The following KAZN variants were observed in gnomAD, a reference collection of about 807,000 sequenced individuals.
KAZN encodes kazrin.
Under a neutral mutation model 87.4 loss-of-function variants are expected in KAZN, and 40 were observed. That is an observed-to-expected ratio of 0.46 (90% CI 0.36 to 0.60). The LOEUF (loss-of-function observed/expected upper bound fraction) is 0.60. Among genes scored for constraint, KAZN ranks in the 20% least tolerant of loss-of-function variants. The pLI, the probability that KAZN is intolerant of heterozygous loss-of-function variation, is 0.00. For missense variants in KAZN, 898 were observed against 1,073.9 expected (o/e 0.84, Z 2.29); for synonymous variants, 466 against 458.3 (o/e 1.02, Z -0.22).
intron 1 of KAZN, among the ~76,000 whole-genome samples, chr1:14,631,364 C>T (rs1425729165): frequency 1.3e-5 from 2 of 152,240 alleles, no homozygotes; most frequent in Admixed American, 6.5e-5. Flanking sequence ...TACATACACC[C>T]ATACGGTCTT....
intron 3 of KAZN, among the ~76,000 whole-genome samples, chr1:15,036,796 T>G (rs751135559): frequency 1.3e-5 from 2 of 152,156 alleles, no homozygotes; most frequent in Non-Finnish European, 2.9e-5. Context: ...AGTTACGGCA[T>G]GTACTTCAAG....
At chr1:14,765,793 T>C (rs1466726327) in intron 1 of KAZN, among the ~76,000 whole-genome samples, 1 of 152,152 alleles carries the variant, frequency 6.6e-6, no homozygotes, top group East Asian at 1.9e-4. Flanking sequence ...CCAGGAGAAC[T>C]GTGGTCTTGG....
intron 2 of KAZN, among the ~76,000 whole-genome samples, chr1:14,964,831 C>T (rs1664269675): frequency 1.3e-5 from 2 of 152,146 alleles, no homozygotes; most frequent in Non-Finnish European, 2.9e-5. Flanking sequence ...GGAACAGGAA[C>T]TCAAGCAGGC....
chr1:14,383,095 T>C (rs1252708140), intron 2 of KAZN, among the ~76,000 whole-genome samples: 2 of 151,372 alleles, frequency 1.3e-5, no homozygotes, highest in Non-Finnish European at 2.9e-5. Flanking sequence ...TTTCATGTGT[T>C]TTTTGGCTGC....
intron 1 of KAZN, among the ~76,000 whole-genome samples, chr1:13,992,544 T>C (rs1307951958): frequency 1.3e-5 from 2 of 152,178 alleles, no homozygotes; most frequent in African/African-American, 4.8e-5. Flanking sequence ...TAAAGCTGAC[T>C]ACTGTTAGCC....
intron 2 of KAZN, among the ~76,000 whole-genome samples, chr1:14,538,529 A>G (rs1672629379): frequency 6.6e-6 from 1 of 152,194 alleles, no homozygotes; most frequent in Non-Finnish European, 1.5e-5. Context: ...CTGTCCTCAC[A>G]TGGTGGAAGG....
intron 8 of KAZN, among the ~76,000 whole-genome samples, chr1:15,070,587 G>A (rs1483740472): frequency 1.3e-5 from 2 of 152,238 alleles, no homozygotes; most frequent in Non-Finnish European, 2.9e-5. Context: ...TATCGTGCCC[G>A]TCACTCAACC....
chr1:14,588,487 T>C (rs1425325154), intron 2 of KAZN, among the ~76,000 whole-genome samples: 2 of 152,226 alleles, frequency 1.3e-5, no homozygotes, highest in Non-Finnish European at 1.5e-5. Context: ...TGGTCAGTGA[T>C]ATGTATGATC....
chr1:15,110,183 G>A (rs929354520), intron 13 of KAZN, among the ~76,000 whole-genome samples: 1 of 106,076 alleles, frequency 9.4e-6, no homozygotes, highest in African/African-American at 3.0e-5. Context: ...GTATATGTGT[G>A]TTGTGTATGT....
intron 2 of KAZN, among the ~76,000 whole-genome samples, chr1:14,266,030 GCTTTGTTT>G (rs891785234): frequency 3.5e-4 from 53 of 152,304 alleles, no homozygotes; most frequent in African/African-American, 1.3e-3. Context: ...GATGTGAACA[GCTTTGTTT>G]CTCTCATTGC....
At chr1:14,543,388 T>C (rs1672934900) in intron 2 of KAZN, among the ~76,000 whole-genome samples, 1 of 152,188 alleles carries the variant, frequency 6.6e-6, no homozygotes, top group Non-Finnish European at 1.5e-5. Context: ...CTCTGGGAGA[T>C]GCTTGCCTCC....
intron 2 of KAZN, among the ~76,000 whole-genome samples, chr1:14,564,560 C>T (rs774423520): frequency 6.6e-6 from 1 of 151,810 alleles, no homozygotes; most frequent in Admixed American, 6.6e-5. Context: ...AATCCCAGCA[C>T]TTTAGGAGGC....
chr1:14,856,382 T>A lies in KAZN; in HGVS notation c.227-104302T>A, dbSNP rs1243858834. Among the ~76,000 whole-genome samples the A allele has an allele frequency of 6.6e-6, 1 of 152,164 alleles. No homozygotes were observed. The highest frequency in any genetic ancestry group is 1.5e-5 in the Non-Finnish European group (1 of 68,028). ...TCTTTAAAGACAAGTGAAGATTCAA[T>A]GCTAAGGAATTTTGAAGAAGGAGGC... On this transcript the variant is annotated intron_variant, in intron 1 of 14. Coordinates refer to ENST00000376030, the MANE Select transcript of KAZN (RefSeq NM_201628.3). This position sits in a 1 kb window ranked among gnomAD's most constrained non-coding sequence, Gnocchi z 5.2.
intron 1 of KAZN, among the ~76,000 whole-genome samples, chr1:14,807,799 G>A (rs1014106726): frequency 6.6e-6 from 1 of 152,044 alleles, no homozygotes; most frequent in East Asian, 1.9e-4. Flanking sequence ...TATTGGGGAA[G>A]GTAGTGTGTA....
intron 1 of KAZN, among the ~76,000 whole-genome samples, chr1:14,052,118 T>C (rs1642365293): frequency 6.6e-6 from 1 of 152,142 alleles, no homozygotes; most frequent in Non-Finnish European, 1.5e-5. Flanking sequence ...CTCAGGCTCT[T>C]CCTGACACCA....
chr1:15,082,639 G>T (rs1342806467), intron 8 of KAZN, among the ~76,000 whole-genome samples: 1 of 152,192 alleles, frequency 6.6e-6, no homozygotes, highest in Non-Finnish European at 1.5e-5. Flanking sequence ...CATGCAGGGT[G>T]GGCATAGGAG....
At chr1:14,420,846 G>A (rs1665362323) in intron 2 of KAZN, among the ~76,000 whole-genome samples, 2 of 149,662 alleles carry the variant, frequency 1.3e-5, no homozygotes, top group African/African-American at 4.9e-5. Flanking sequence ...GCTGGCCTGG[G>A]AGCGCTGCGC....
chr1:14,827,783 G>C (rs59510811), intron 1 of KAZN, among the ~76,000 whole-genome samples: 3,052 of 152,318 alleles, frequency 0.02, 93 homozygotes, highest in African/African-American at 0.068. Flanking sequence ...AACCAGTAAT[G>C]AGTGGGCATG....
intron 2 of KAZN, among the ~76,000 whole-genome samples, chr1:14,233,924 A>G (rs1648114160): frequency 6.6e-6 from 1 of 152,212 alleles, no homozygotes; most frequent in African/African-American, 2.4e-5. Flanking sequence ...GATGTAGAGA[A>G]ATAGGAACGC....
Sources: allele counts gnomAD v4.1 joint callset (sites outside exome capture counted in the v4.1 genomes callset), GRCh38; gene constraint gnomAD v4.1.1; non-coding constraint Gnocchi (gnomAD v3.1); transcripts MANE v1.5; gene names NCBI Gene and HGNC (gene_info 2026-07-23, HGNC 2026-07-21).